Variants in DMD observed in about 807,000 individuals in gnomAD.
DMD encodes the protein mutant dystrophin.
DMD carries 63 observed loss-of-function variants against 330.1 expected under a neutral mutation model. The observed-to-expected ratio is 0.19, with a 90% confidence interval of 0.16 to 0.24. DMD has a LOEUF of 0.24. Ranked by LOEUF, DMD falls within the 10% of genes least tolerant of loss-of-function variation. DMD has a pLI of 1.00. For synonymous variants in DMD, 1,223 were observed against 959.8 expected, an observed-to-expected ratio of 1.27 and a Z score of -5.07; for missense variants, 3,344 against 2,684.1, an observed-to-expected ratio of 1.25 and a Z score of -5.43.
Position 32,454,775 on chromosome X carries a change from T to C in DMD, c.3490A>G (p.Lys1164Glu). The change falls in exon 26 of 79, where the codon AAA (lysine) becomes GAA (glutamate). Residue 1164 changes from lysine to glutamate, a missense_variant. Lys to Glu is a moderately conservative substitution (Grantham distance 56, BLOSUM62 1). Coordinates refer to ENST00000357033, the MANE Select transcript of DMD (RefSeq NM_004006.3). ...CATTCGTGCATCTCTGATAGATCTT[T>C]CTGGAGGCTTACAGTTTTCTCCAAA... The part of the protein sequence containing the change: ...GGLEKTVSLQ[K>E]DLSEMHEWMT... 1.7e-6 allele frequency: 2 copies of C among 1,207,630 alleles called. No homozygotes were observed. The highest frequency in any genetic ancestry group is 2.2e-6 in the Non-Finnish European group (2 of 892,875).
At chrX:33,177,312 A>C (rs1476796561) in intron 1 of DMD, among the ~76,000 whole-genome samples, 2 of 112,476 alleles carry the variant, frequency 1.8e-5, no homozygotes, top group Non-Finnish European at 3.8e-5. Context: ...AGAACATATC[A>C]GTGCCCACTA....
At position 31,363,359 on chromosome X, in the gene DMD, A is replaced by T. The variant is rs180984324; in HGVS notation, c.9085-14725T>A. Among the ~76,000 whole-genome samples, 55 of 106,280 alleles carry T rather than the reference A, an allele frequency of 5.2e-4. No individual in the cohort carries two copies. The East Asian group carries it at 7.4e-3, about 14-fold the overall frequency. The allele number at this position is 106,280 out of a possible 115,157, so 92.3% of individuals were successfully genotyped here. A position where few individuals can be genotyped will look rare whatever the true frequency, so the allele number is the denominator to read the frequency against. On this transcript the variant is annotated intron_variant, in intron 60 of 78. Coordinates refer to ENST00000357033, the MANE Select transcript of DMD (RefSeq NM_004006.3). Reference sequence around the variant, plus strand: ...GTTTCCGTGGCCTCTTTCAGTACACATAAGACATGTATCTTTTTTTTTTTT... The same window carrying T: ...GTTTCCGTGGCCTCTTTCAGTACACTTAAGACATGTATCTTTTTTTTTTTT...
intron 42 of DMD, among the ~76,000 whole-genome samples, chrX:32,308,706 T>C (rs956986086): frequency 5.4e-5 from 6 of 111,004 alleles, no homozygotes; most frequent in Non-Finnish European, 9.5e-5. Flanking sequence ...TCACTGTGAG[T>C]GTAGCCAAGG....
At chrX:31,922,543 G>A (rs1282517183) in intron 47 of DMD, among the ~76,000 whole-genome samples, 2 of 102,449 alleles carry the variant, frequency 2.0e-5, no homozygotes, top group Admixed American at 1.0e-4. Context: ...CGTGCGCTAG[G>A]GGGGTGCAGA....
At chrX:31,641,016 T>G (rs1412269786) in intron 54 of DMD, among the ~76,000 whole-genome samples, 1 of 111,706 alleles carries the variant, frequency 9.0e-6, no homozygotes, top group Non-Finnish European at 1.9e-5. Flanking sequence ...GGAAAAATAC[T>G]GAGGAGCAGG....
At chrX:32,699,544 C>T (rs755709412) in intron 7 of DMD, among the ~76,000 whole-genome samples, 5 of 111,598 alleles carry the variant, frequency 4.5e-5, no homozygotes, top group Admixed American at 1.9e-4. Context: ...TTCCATATTA[C>T]TTTTTCCTAA....
chrX:31,161,761 G>A (rs761374678), intron 74 of DMD, among the ~76,000 whole-genome samples: 11 of 111,106 alleles, frequency 9.9e-5, no homozygotes, highest in African/African-American at 3.0e-4. Context: ...CTTTCTGCCA[G>A]GTCAGTTATT....
chrX:31,919,155 T>C lies in DMD; in HGVS notation c.6912+10441A>G, dbSNP rs769612569. Among the ~76,000 whole-genome samples, 321 of 111,480 alleles carry C rather than the reference T, an allele frequency of 2.9e-3. 1 individual carries two copies. Among genetic ancestry groups the C allele is most frequent in the African/African-American group, 9.6e-3 (296 of 30,688 alleles). On this transcript the variant is annotated intron_variant, in intron 47 of 78. Transcript: ENST00000357033. Reference sequence around the variant, plus strand: ...AGTGATTCTAACATCACTGATAAAATACACATCACTGATGAAAATAAAACA... The same window carrying C: ...AGTGATTCTAACATCACTGATAAAACACACATCACTGATGAAAATAAAACA...
chrX:32,200,803 C>G (rs933227619), intron 44 of DMD, among the ~76,000 whole-genome samples: 7 of 111,847 alleles, frequency 6.3e-5, no homozygotes, highest in African/African-American at 2.3e-4. Context: ...TCAATTAGTA[C>G]TAGCCGCATT....
intron 61 of DMD, among the ~76,000 whole-genome samples, chrX:31,332,938 T>C (rs1018302180): frequency 1.8e-5 from 2 of 112,083 alleles, no homozygotes; most frequent in African/African-American, 6.5e-5. Context: ...ACCAGGAAAG[T>C]GACAGAGACT....
intron 59 of DMD, among the ~76,000 whole-genome samples, chrX:31,450,161 T>G (rs1277186840): frequency 2.7e-5 from 3 of 111,599 alleles, no homozygotes; most frequent in Non-Finnish European, 5.6e-5. Context: ...GCATTCTTCA[T>G]GCTGAGCTAG....
At position 32,066,773 on chromosome X, in the gene DMD, T is replaced by A. The variant is rs941156325; in HGVS notation, c.6439-98259A>T. Among the ~76,000 whole-genome samples the A allele has an allele frequency of 2.7e-5, 3 of 111,565 alleles. No individual in the cohort carries two copies. The Admixed American group carries it at 2.9e-4, about 11-fold the overall frequency. The stretch of plus-strand genomic sequence containing the variant: ...TCATCATATGGTGACTGGAATTACT[T>A]CTGTGCGCACAAACTAATGCTAACA... On this transcript the variant is annotated intron_variant, in intron 44 of 78. Transcript: ENST00000357033.
At chrX:33,266,337 A>G (rs1327361285) in intron 1 of DMD, among the ~76,000 whole-genome samples, 1 of 112,059 alleles carries the variant, frequency 8.9e-6, no homozygotes. Context: ...TAAAAGTGCA[A>G]TGTTGAAATC....
intron 5 of DMD, among the ~76,000 whole-genome samples, chrX:32,821,718 A>G (rs1168042828): frequency 1.8e-5 from 2 of 112,120 alleles, no homozygotes; most frequent in Non-Finnish European, 3.8e-5. Context: ...GACACAAAAG[A>G]ACATGTATTA....
intron 7 of DMD, among the ~76,000 whole-genome samples, chrX:32,735,462 C>A (rs1371172239): frequency 1.2e-4 from 13 of 111,323 alleles, no homozygotes; most frequent in Admixed American, 7.6e-4. Context: ...CACCAAGTCA[C>A]TCCTAAGCCA....
intron 42 of DMD, among the ~76,000 whole-genome samples, chrX:32,292,058 C>A (rs1036456596): frequency 9.1e-6 from 1 of 110,433 alleles, no homozygotes; most frequent in African/African-American, 3.3e-5. Flanking sequence ...AGAGCAAAGT[C>A]TCTGTCTTCC....
chrX:31,300,523 C>G (rs2054566109), intron 62 of DMD, among the ~76,000 whole-genome samples: 2 of 111,896 alleles, frequency 1.8e-5, no homozygotes, highest in Admixed American at 1.9e-4. Context: ...CTTGGGAAGA[C>G]AGCTGACATC....
chrX:32,766,420 C>T (rs1603385543), intron 7 of DMD, among the ~76,000 whole-genome samples: 1 of 111,363 alleles, frequency 9.0e-6, no homozygotes, highest in East Asian at 2.8e-4. Context: ...CTTCCACCTT[C>T]TTGGTTAATT....
chrX:31,758,804 C>T lies in DMD; in HGVS notation c.7542+15156G>A, dbSNP rs748335818. Among the ~76,000 whole-genome samples the T allele has an allele frequency of 1.6e-4, 18 of 111,531 alleles. No individual in the cohort carries two copies. In the South Asian group the frequency reaches 4.1e-3, roughly 25 times the overall value. On this transcript the variant is annotated intron_variant, in intron 51 of 78. Transcript: ENST00000357033. ...GGATGACTGTTATTTTGACTGATAACGTAAAATACTACTATGATTTCAGCG... is the reference window on the plus strand; with the variant it reads ...GGATGACTGTTATTTTGACTGATAATGTAAAATACTACTATGATTTCAGCG...
Sources: allele counts gnomAD v4.1 joint callset (sites outside exome capture counted in the v4.1 genomes callset), GRCh38; gene constraint gnomAD v4.1.1; transcripts MANE v1.5; gene names NCBI Gene and HGNC (gene_info 2026-07-23, HGNC 2026-07-21).